The following AUTS2 variants were observed in gnomAD, a reference collection of about 807,000 sequenced individuals.
AUTS2 encodes the protein activator of transcription and developmental regulator AUTS2.
Under a neutral mutation model 112.4 loss-of-function variants are expected in AUTS2, and 17 were observed. That is an observed-to-expected ratio of 0.15 (90% CI 0.10 to 0.23). The LOEUF (loss-of-function observed/expected upper bound fraction) is 0.23, where lower values mean the gene tolerates loss of function less well. Ranked by LOEUF, AUTS2 falls within the 10% of genes least tolerant of loss-of-function variation. The pLI, the probability that AUTS2 is intolerant of heterozygous loss-of-function variation, is 1.00. For missense variants in AUTS2, 1,510 were observed against 1,701.6 expected, an observed-to-expected ratio of 0.89 and a Z score of 1.98; for synonymous variants, 751 against 702.7, an observed-to-expected ratio of 1.07 and a Z score of -1.09.
At chr7:70,624,164 G>A (rs567430159) in intron 5 of AUTS2, among the ~76,000 whole-genome samples, 15 of 152,348 alleles carry the variant, frequency 9.8e-5, no homozygotes, top group Admixed American at 9.8e-4. Flanking sequence ...TGCTGTGAAA[G>A]TCATTCATTA....
chr7:70,680,317 T>C (rs573354223), intron 5 of AUTS2, among the ~76,000 whole-genome samples: 1 of 152,324 alleles, frequency 6.6e-6, no homozygotes, highest in South Asian at 2.1e-4. Context: ...TGCATTTTAA[T>C]GGTGAAGAAA....
intron 5 of AUTS2, among the ~76,000 whole-genome samples, chr7:70,566,863 A>G (rs1801729874): frequency 6.6e-6 from 1 of 152,232 alleles, no homozygotes; most frequent in Non-Finnish European, 1.5e-5. Context: ...GAATTTCGCA[A>G]TAGCTGTCTT....
intron 1 of AUTS2, chr7:69,825,732 TGGTCCGTAAGGGAGCA>T (rs1271666878): frequency 6.6e-6 from 1 of 152,148 alleles, no homozygotes; most frequent in African/African-American, 2.4e-5. Context: ...TCTCCTTCAG[TGGTCCGTAAGGGAGCA>T]GGTCCACAAG....
chr7:70,047,518 G>A (rs1485043877), intron 2 of AUTS2, among the ~76,000 whole-genome samples: 1 of 152,162 alleles, frequency 6.6e-6, no homozygotes, highest in African/African-American at 2.4e-5. Flanking sequence ...TTAAAAAGCT[G>A]AAGCAAAGTT....
At chr7:70,417,070 C>T (rs1210716510) in intron 4 of AUTS2, among the ~76,000 whole-genome samples, 4 of 152,160 alleles carry the variant, frequency 2.6e-5, no homozygotes, top group African/African-American at 7.2e-5. Context: ...CAGGCCCTGC[C>T]GAATGCAGAC....
chr7:69,722,838 C>G (rs1471716655), intron 1 of AUTS2, among the ~76,000 whole-genome samples: 1 of 151,148 alleles, frequency 6.6e-6, no homozygotes. Flanking sequence ...AGAAGTAGAT[C>G]TGGAATTGCT....
At position 69,903,016 on chromosome 7, in the gene AUTS2, C is replaced by G. The variant is rs531847576; in HGVS notation, c.522+3518C>G. On this transcript the variant is annotated intron_variant, in intron 2 of 18. Coordinates refer to ENST00000342771, the MANE Select transcript of AUTS2 (RefSeq NM_015570.4). ...CTTATACAACTCTTATACAAAATAGCGCATGTCTTTCTGACCTCTGTAAAT... is the reference window on the plus strand; with the variant it reads ...CTTATACAACTCTTATACAAAATAGGGCATGTCTTTCTGACCTCTGTAAAT... Among the ~76,000 whole-genome samples, 10 of 152,204 alleles carry G rather than the reference C, an allele frequency of 6.6e-5. No individual in the cohort carries two copies. In the East Asian group the frequency reaches 1.9e-3, roughly 29 times the overall value.
At chr7:70,129,839 T>G (rs1279082981) in intron 3 of AUTS2, among the ~76,000 whole-genome samples, 1 of 152,082 alleles carries the variant, frequency 6.6e-6, no homozygotes, top group Non-Finnish European at 1.5e-5. Context: ...TGTTGCTCCA[T>G]TTTTACTTGA....
chr7:70,388,500 A>G (rs1228313586), intron 4 of AUTS2, among the ~76,000 whole-genome samples: 1 of 152,242 alleles, frequency 6.6e-6, no homozygotes, highest in Admixed American at 6.5e-5. Flanking sequence ...AGTTCTCAGT[A>G]GTTTCCACAC....
In AUTS2 at chr7:69,604,235, T is replaced by G. The variant is rs140985959; in HGVS notation, c.309+4273T>G. On this transcript the variant is annotated intron_variant, in intron 1 of 18. Transcript: ENST00000342771. Reference sequence around the variant, plus strand: ...CATAAGTGGGCTATACAGAATTTGGTGTACTTATAACATGCCATGTTAATA... The same window carrying G: ...CATAAGTGGGCTATACAGAATTTGGGGTACTTATAACATGCCATGTTAATA... 1.8e-3 allele frequency among the ~76,000 whole-genome samples: 279 copies of G among 152,308 alleles called. 2 individuals carry two copies. The highest frequency in any genetic ancestry group is 6.5e-3 in the African/African-American group (272 of 41,566).
intron 5 of AUTS2, among the ~76,000 whole-genome samples, chr7:70,583,718 C>T (rs6961778): frequency 0.017 from 2,542 of 152,318 alleles, 75 homozygotes; most frequent in African/African-American, 0.058. Context: ...CCGCACCGCA[C>T]GGCTCAGGCC....
chr7:69,870,448 A>AATTATATATATATATATATATATAT (rs1793434587), intron 1 of AUTS2, among the ~76,000 whole-genome samples: 6 of 78,964 alleles, frequency 7.6e-5, no homozygotes, highest in Non-Finnish European at 1.3e-4. Flanking sequence ...ATGTGTGTGT[A>AATTATATATATATATATATATATAT]ATATATATAT....
At chr7:70,087,480 C>T (rs2129566693) in intron 2 of AUTS2, among the ~76,000 whole-genome samples, 1 of 151,822 alleles carries the variant, frequency 6.6e-6, no homozygotes, top group Non-Finnish European at 1.5e-5. Flanking sequence ...AACAATTCTC[C>T]TGCCTTAGCC....
chr7:70,124,437 A>G (rs1805851180), intron 3 of AUTS2, among the ~76,000 whole-genome samples: 1 of 151,962 alleles, frequency 6.6e-6, no homozygotes, highest in Non-Finnish European at 1.5e-5. Context: ...GCCCTTTCCT[A>G]TGTGCAGCAT....
intron 5 of AUTS2, among the ~76,000 whole-genome samples, chr7:70,496,177 A>G (rs1267599647): frequency 5.2e-5 from 7 of 133,752 alleles, no homozygotes; most frequent in East Asian, 2.4e-4. Flanking sequence ...AGTCACACAC[A>G]CACACACCCC....
At chr7:70,749,681 C>T (rs1488554914) in intron 6 of AUTS2, among the ~76,000 whole-genome samples, 1 of 152,154 alleles carries the variant, frequency 6.6e-6, no homozygotes, top group Non-Finnish European at 1.5e-5. Context: ...TTGGCAGCAC[C>T]CAGGTCCCCT....
At chr7:69,798,307 G>A (rs1212514192) in intron 1 of AUTS2, among the ~76,000 whole-genome samples, 1 of 152,122 alleles carries the variant, frequency 6.6e-6, no homozygotes, top group Non-Finnish European at 1.5e-5. Flanking sequence ...TACCCCAAGT[G>A]ATTTTCTCTA....
chr7:69,880,330 G>A (rs1793990741), intron 1 of AUTS2, among the ~76,000 whole-genome samples: 2 of 152,290 alleles, frequency 1.3e-5, no homozygotes, highest in South Asian at 4.1e-4. Flanking sequence ...ATGAGATTTT[G>A]ATGGGGACAC....
intron 5 of AUTS2, among the ~76,000 whole-genome samples, chr7:70,603,658 GA>G (rs1314808492): frequency 2.0e-5 from 3 of 152,148 alleles, no homozygotes; most frequent in Non-Finnish European, 4.4e-5. Context: ...AACCATACAA[GA>G]CCCTGGCCCT....
Sources: gnomAD v4.1 joint callset for allele counts (sites outside exome capture counted in the v4.1 genomes callset) on GRCh38, gnomAD v4.1.1 for gene constraint, MANE v1.5 for transcripts, NCBI Gene and HGNC (gene_info 2026-07-23, HGNC 2026-07-21) for gene names.